Variants in TMEM131 observed in about 807,000 individuals in gnomAD.
TMEM131 encodes 2610524E03Rik.
TMEM131 carries 66 observed loss-of-function variants against 211.6 expected under a neutral mutation model. The observed-to-expected ratio is 0.31, with a 90% confidence interval of 0.26 to 0.38. The LOEUF is 0.38. Among genes scored for constraint, TMEM131 ranks in the 10% least tolerant of loss-of-function variants. TMEM131 has a pLI of 1.00. For synonymous variants in TMEM131, 844 were observed against 841.3 expected, an observed-to-expected ratio of 1.00 and a Z score of -0.06; for missense variants, 2,036 against 2,299.3, an observed-to-expected ratio of 0.89 and a Z score of 2.34.
chr2:97,758,716 C>G (rs989502982), intron 40 of TMEM131, among the ~76,000 whole-genome samples, 177 bp downstream of exon 40: 11 of 152,282 alleles, frequency 7.2e-5, no homozygotes, highest in Non-Finnish European at 7.3e-5. Flanking sequence ...GAACATCGAT[C>G]AGTCATTTTG....
chr2:97,911,745 T>G, intron 2 of TMEM131: 1 of 682,510 alleles, frequency 1.5e-6, no homozygotes, highest in Non-Finnish European at 1.8e-6. Context: ...AGAAAAATAA[T>G]CATTTAACTG....
In TMEM131 at chr2:97,759,026, C is replaced by T. The variant is rs777226328; in HGVS notation, c.5234G>A (p.Arg1745Gln). ...GEVFSKLGLS[R>Q]SCNQASQRSW... is the part of the protein sequence containing the mutation. ...CCTCTGTGAGGCCTGATTGCACGAT[C>T]GAGATAATCCGAGTTTGCTGAAAAC... is the stretch of plus-strand genomic sequence containing the variant. The change falls in exon 40 of 41, where the codon CGA becomes CAA. Residue 1745 changes from arginine (R) to glutamine (Q), a missense_variant. By Grantham distance (43) the Arg-to-Gln change is conservative. This residue lies in a region of TMEM131 where 1,623 missense variants were observed against 1,805.9 expected (regional missense o/e 0.90). Coordinates refer to ENST00000186436, the MANE Select transcript of TMEM131 (RefSeq NM_015348.2). The T allele has an allele frequency of 5.0e-6, 8 of 1,614,020 alleles. No individual in the cohort carries two copies. Among genetic ancestry groups the T allele is most frequent in the Middle Eastern group, 1.6e-4 (1 of 6,062 alleles).
intron 1 of TMEM131, among the ~76,000 whole-genome samples, chr2:97,961,117 G>A (rs1678795531): frequency 6.7e-6 from 1 of 150,240 alleles, no homozygotes; most frequent in African/African-American, 2.5e-5. Flanking sequence ...AACAAGGAAA[G>A]GAAGCTGTAA....
In TMEM131 at chr2:97,841,708, C is replaced by T. The variant is rs375643259; in HGVS notation, c.723+107G>A. ...ATACCCCTCTCAATACACTATAAAA[C>T]CCTATTATTTTAAATAGTCTTGGAA... On this transcript the variant is annotated intron_variant, in intron 7 of 40. Coordinates refer to ENST00000186436, the MANE Select transcript of TMEM131 (RefSeq NM_015348.2). 4.8e-5 allele frequency: 61 copies of T among 1,279,222 alleles called. No homozygotes were observed. In the African/African-American group the frequency reaches 7.4e-4, roughly 15 times the overall value. 79.2% of individuals were successfully genotyped at this position (1,279,222 alleles called of 1,614,324 possible).
At chr2:97,845,358 C>A (rs11690687) in intron 5 of TMEM131, among the ~76,000 whole-genome samples, 1 of 151,820 alleles carries the variant, frequency 6.6e-6, no homozygotes, top group African/African-American at 2.4e-5. Flanking sequence ...TGAACTTGCA[C>A]GGGAGCACAA....
intron 2 of TMEM131, among the ~76,000 whole-genome samples, chr2:97,920,585 G>A (rs945663393): frequency 6.6e-6 from 1 of 152,138 alleles, no homozygotes; most frequent in African/African-American, 2.4e-5. Flanking sequence ...AAGTAATTTA[G>A]CAAGTTTTCA....
At chr2:97,882,503 C>A (rs114447178) in intron 4 of TMEM131, among the ~76,000 whole-genome samples, 98 of 152,286 alleles carry the variant, frequency 6.4e-4, no homozygotes, top group African/African-American at 2.2e-3. Context: ...CCTGTCTGAG[C>A]CAAGAGGCTT....
At chr2:97,762,334 GTGTTC>G in intron 35 of TMEM131, 134 bp from the exon 36 acceptor site, 1 of 884,740 alleles carries the variant, frequency 1.1e-6, no homozygotes, top group Non-Finnish European at 1.7e-6. Context: ...GCTCTTAGAT[GTGTTC>G]TGTTTAACAG....
chr2:97,844,298 A>G, intron 5 of TMEM131, 37 bp from the exon 6 acceptor site: 1 of 747,976 alleles, frequency 1.3e-6, no homozygotes. Flanking sequence ...GTAACAAGAA[A>G]AAAAATTATA....
intron 1 of TMEM131, among the ~76,000 whole-genome samples, chr2:97,961,586 A>G (rs1256673335): frequency 6.6e-6 from 1 of 152,236 alleles, no homozygotes; most frequent in Admixed American, 6.5e-5. Context: ...GAAGTAACTA[A>G]AACAGCCAAA....
intron 4 of TMEM131, among the ~76,000 whole-genome samples, chr2:97,873,317 G>A (rs570730874): frequency 4.6e-5 from 7 of 152,356 alleles, no homozygotes; most frequent in Non-Finnish European, 5.9e-5. Context: ...AGCTGTGGCC[G>A]AAGCTTCAGC....
chr2:97,819,624 T>C (rs554856368), intron 11 of TMEM131, among the ~76,000 whole-genome samples: 42 of 152,338 alleles, frequency 2.8e-4, no homozygotes, highest in Non-Finnish European at 5.4e-4. Flanking sequence ...TATACAACTC[T>C]TGATTAAAAA....
At chr2:97,794,368 A>G (rs567703348) in intron 29 of TMEM131, among the ~76,000 whole-genome samples, 4 of 152,272 alleles carry the variant, frequency 2.6e-5, no homozygotes, top group South Asian at 2.1e-4. Context: ...GCCATCTCAC[A>G]TGGAGGTTTT....
chr2:97,811,720 A>G (rs1433777562), intron 17 of TMEM131, among the ~76,000 whole-genome samples: 1 of 152,368 alleles, frequency 6.6e-6, no homozygotes. Flanking sequence ...GTGTTTGTCA[A>G]CACTCTCTGT....
Position 97,873,586 on chromosome 2 carries a change from G to A in TMEM131, c.360-14159C>T, listed in dbSNP as rs981524169. Among the ~76,000 whole-genome samples, 3 of 152,338 alleles carry A rather than the reference G, an allele frequency of 2.0e-5. No individual in the cohort carries two copies. In the East Asian group the frequency reaches 5.8e-4, roughly 29 times the overall value. On this transcript the variant is annotated intron_variant, in intron 4 of 40. Transcript: ENST00000186436. ...CAATCTTTGCTGTTCTGCAGCCTCC[G>A]CTGCTGATACCAAGGCAAACAGCGT...
At chr2:97,986,528 C>T (rs1489820632) in intron 1 of TMEM131, among the ~76,000 whole-genome samples, 4 of 152,118 alleles carry the variant, frequency 2.6e-5, no homozygotes, top group Admixed American at 6.5e-5. Flanking sequence ...TAATTCCTTG[C>T]CTGTTTTTTC....
In TMEM131 at chr2:97,963,286, G is replaced by T. The variant is rs527647403; in HGVS notation, c.187+32190C>A. Among the ~76,000 whole-genome samples the T allele has an allele frequency of 5.3e-5, 8 of 152,288 alleles. No individual in the cohort carries two copies. The East Asian group carries it at 1.5e-3, about 29-fold the overall frequency. On this transcript the variant is annotated intron_variant, in intron 1 of 40. Transcript: ENST00000186436. The stretch of plus-strand genomic sequence containing the variant: ...TACCCTGGGCTCTTAATACCCTGAA[G>T]GCACATAGATGTCACCTCATTTCTG...
chr2:97,971,655 G>A (rs1490099948), intron 1 of TMEM131, among the ~76,000 whole-genome samples: 1 of 152,200 alleles, frequency 6.6e-6, no homozygotes, highest in African/African-American at 2.4e-5. Context: ...GTATAGGTTT[G>A]TAGTCTCATT....
chr2:97,759,848 C>T, intron 38 of TMEM131, 99 bp from the exon 39 acceptor site: 1 of 793,566 alleles, frequency 1.3e-6, no homozygotes, highest in Non-Finnish European at 2.2e-6. Flanking sequence ...GACACTGCTT[C>T]AACTGGGGGT....
Sources: gnomAD v4.1 joint callset for allele counts (sites outside exome capture counted in the v4.1 genomes callset) on GRCh38, gnomAD v4.1.1 for gene constraint, gnomAD v4.1.1 regional missense constraint, MANE v1.5 for transcripts, NCBI Gene and HGNC (gene_info 2026-07-23, HGNC 2026-07-21) for gene names.